Variants in FST observed in about 807,000 individuals in gnomAD.
FST encodes activin-binding protein.
Under a neutral mutation model 38.4 loss-of-function variants are expected in FST, and 6 were observed. The observed-to-expected ratio is 0.16, with a 90% CI of 0.09 to 0.31. FST has a LOEUF of 0.31. FST is among the 10% of genes least tolerant of loss of function. The pLI is 1.00. For missense variants in FST, 301 were observed against 432.3 expected (o/e 0.70, Z 2.69); for synonymous variants, 157 against 169.8 (o/e 0.92, Z 0.59).
chr5:53,483,879 C>A lies in FST; in HGVS notation c.496+157C>A, dbSNP rs1006955694. Among the ~76,000 whole-genome samples the A allele has an allele frequency of 6.6e-6, 1 of 152,154 alleles. No homozygotes were observed. On this transcript the variant is annotated intron_variant, in intron 3 of 5. Coordinates refer to ENST00000256759, the MANE Select transcript of FST (RefSeq NM_013409.3). This position sits in a 1 kb window ranked among gnomAD's most constrained non-coding sequence, Gnocchi z 4.1. The stretch of plus-strand genomic sequence containing the variant: ...CCAAATAAAGGAGTCCTTTTCTAAC[C>A]TCTAGAGATTCATTAAGAACACTGA...
chr5:53,483,800 C>A lies in FST; in HGVS notation c.496+78C>A. On this transcript the variant is annotated intron_variant, in intron 3 of 5. Transcript: ENST00000256759. This position sits in a 1 kb window ranked among gnomAD's most constrained non-coding sequence, Gnocchi z 4.1. ...TACCTAAAGTAGACCCTCTAGAAGA[C>A]CCTTGGGGGATGGTGTAGTCCGCAG... The A allele has an allele frequency of 9.5e-7, 1 of 1,056,228 alleles. No homozygotes were observed. The highest frequency in any genetic ancestry group is 1.4e-6 in the Non-Finnish European group (1 of 697,466). 65.4% of individuals were successfully genotyped at this position (1,056,228 alleles called of 1,614,324 possible).
Position 53,484,071 on chromosome 5 carries a change from A to G in FST, c.499A>G (p.Thr167Ala), listed in dbSNP as rs572043093. The change falls in exon 4 of 6, where the codon ACT (threonine) becomes GCT (alanine). Residue 167 changes from threonine to alanine, a missense_variant and splice_region_variant. By Grantham distance (58) the Thr-to-Ala change is moderately conservative. Transcript: ENST00000256759. ...GTGTGTTTCCTTCTTTGTTCCAGAG[A>G]CTTGTCGGGATGTTTTCTGTCCAGG... is the stretch of plus-strand genomic sequence containing the variant. The part of the protein sequence containing the change: ...EVQYQGRCKK[T>A]CRDVFCPGSS... The G allele has an allele frequency of 1.9e-6, 3 of 1,612,534 alleles. No individual in the cohort carries two copies. The highest frequency in any genetic ancestry group is 2.7e-5 in the African/African-American group (2 of 74,854).
Position 53,482,896 on chromosome 5 carries a change from C to T in FST, c.102C>T (p.Leu34=), listed in dbSNP as rs1579763511. 6.2e-7 allele frequency: 1 copy of T among 1,608,098 alleles called. No individual in the cohort carries two copies. Among genetic ancestry groups the T allele is most frequent in the Non-Finnish European group, 8.5e-7 (1 of 1,176,064 alleles). The change falls in exon 2 of 6, where the codon CTC becomes CTT. Residue 34 remains leucine (L), a synonymous_variant. Transcript: ENST00000256759. The part of the protein sequence containing the change: ...DRSAQAGNCW[L]RQAKNGRCQV... The stretch of plus-strand genomic sequence containing the variant: ...TCTTCACAGCTGGGAACTGCTGGCT[C>T]CGTCAAGCGAAGAACGGCCGCTGCC...
intron 4 of FST, 107 bp downstream of exon 4, chr5:53,484,400 G>A (rs1177262481): frequency 9.5e-6 from 11 of 1,157,158 alleles, no homozygotes; most frequent in African/African-American, 1.5e-5. Context: ...AAACACCATA[G>A]GGAGAAATAC....
Position 53,486,795 on chromosome 5 carries a change from G to T in FST, c.*762G>T, listed in dbSNP as rs551015251. ...TGTTACAGATACAAAGAAATGATGT[G>T]GGTGTCAGGAGACTAAAGGATGTTG... is the stretch of plus-strand genomic sequence containing the variant. On this transcript the variant is annotated 3_prime_UTR_variant, in exon 6 of 6. Transcript: ENST00000256759. 6.6e-6 allele frequency: 1 copy of T among 152,184 alleles called. No homozygotes were observed. The highest frequency in any genetic ancestry group is 1.5e-5 in the Non-Finnish European group (1 of 68,028). The allele number at this position is 152,184 out of a possible 1,614,324, so 9.4% of individuals were successfully genotyped here.
chr5:53,486,089 AAAAAG>A lies in FST; in HGVS notation c.*61_*65del, dbSNP rs1747538378. 2.2e-6 allele frequency: 2 copies of A among 895,570 alleles called. No individual in the cohort carries two copies. Among genetic ancestry groups the A allele is most frequent in the Non-Finnish European group, 3.4e-6 (2 of 582,936 alleles). 55.5% of individuals were successfully genotyped at this position (895,570 alleles called of 1,614,324 possible). A position where few individuals can be genotyped will look rare whatever the true frequency, so the allele number is the denominator to read the frequency against. ...CCTTTGTGCAAAAAAAAAAAAAAAA[AAAAAG>A]AAAAAGAAAAAAAGAAAAATATATT... On this transcript the variant is annotated 3_prime_UTR_variant, in exon 6 of 6. Transcript: ENST00000256759.
At chr5:53,484,389 C>T in intron 4 of FST, 96 bp downstream of exon 4, 1 of 1,276,622 alleles carries the variant, frequency 7.8e-7, no homozygotes, top group Non-Finnish European at 1.1e-6. Context: ...AAGGCGTCCC[C>T]AAACACCATA....
chr5:53,481,484 A>AAAAAAAAAAAC (rs1344161772), intron 1 of FST, among the ~76,000 whole-genome samples: 1 of 144,550 alleles, frequency 6.9e-6, no homozygotes, highest in African/African-American at 2.5e-5. Context: ...AAAAAAAAAA[A>AAAAAAAAAAAC]AAGCCAAATT....
Position 53,483,217 on chromosome 5 carries a change from ACT to A in FST, c.277+149_277+150del, listed in dbSNP as rs1747348922. 6.2e-6 allele frequency: 4 copies of A among 648,442 alleles called. No individual in the cohort carries two copies. Among genetic ancestry groups the A allele is most frequent in the Non-Finnish European group, 8.2e-6 (3 of 367,226 alleles). 40.2% of individuals were successfully genotyped at this position (648,442 alleles called of 1,614,324 possible). ...TCCCTTGCCCTGGTAAGCCGTGCAGACTCTAATTCTGCCTGTTACAGGCTGTA... is the reference window on the plus strand; with the variant it reads ...TCCCTTGCCCTGGTAAGCCGTGCAGACTAATTCTGCCTGTTACAGGCTGTA... On this transcript the variant is annotated intron_variant, in intron 2 of 5. Transcript: ENST00000256759. This position sits in a 1 kb window ranked among gnomAD's most constrained non-coding sequence, Gnocchi z 4.1.
At chr5:53,481,486 A>AAAAAG (rs1747210196) in intron 1 of FST, among the ~76,000 whole-genome samples, 1 of 144,828 alleles carries the variant, frequency 6.9e-6, no homozygotes, top group African/African-American at 2.5e-5. Flanking sequence ...AAAAAAAAAA[A>AAAAAG]GCCAAATTAT....
chr5:53,481,480 A>AAAAAAAAAG (rs1182795888), intron 1 of FST, among the ~76,000 whole-genome samples: 1 of 150,220 alleles, frequency 6.7e-6, no homozygotes, highest in Non-Finnish European at 1.5e-5. Flanking sequence ...AAAAAAAAAA[A>AAAAAAAAAG]AAAAAAGCCA....
Position 53,483,049 on chromosome 5 carries a change from C to T in FST, c.255C>T (p.Ala85=), listed in dbSNP as rs778932984. 2.5e-6 allele frequency: 4 copies of T among 1,613,122 alleles called. No homozygotes were observed. The African/African-American group carries it at 5.3e-5, about 22-fold the overall frequency. ...AGTGGATGATTTTCAACGGGGGCGC[C>T]CCCAACTGCATCCCCTGTAAAGGTA... ...LFKWMIFNGG[A]PNCIPCKETC... is the part of the protein sequence containing the mutation. The change falls in exon 2 of 6, where the codon GCC becomes GCT. Residue 85 remains alanine, a synonymous_variant. Coordinates refer to ENST00000256759, the MANE Select transcript of FST (RefSeq NM_013409.3). The surrounding 1 kb of genome is among the most constrained non-coding windows in gnomAD (Gnocchi z 4.1).
chr5:53,485,020 C>T lies in FST; in HGVS notation c.745C>T (p.Gln249Ter). ...AGAAGCAAAGTCCTGTGAAGATATC[C>T]AGTGCACTGGTGGGAAAAAATGTTT... ...CIKAKSCEDIQCTGGKKCLWD... is the reference protein window; with the variant it reads ...CIKAKSCEDI The change falls in exon 5 of 6, where the codon CAG becomes TAG. Residue 249 changes from glutamine (Q) to a stop codon, truncating the protein, a stop_gained. Coordinates refer to ENST00000256759, the MANE Select transcript of FST (RefSeq NM_013409.3). LOFTEE classifies it high-confidence loss of function. The T allele has an allele frequency of 6.3e-7, 1 of 1,598,814 alleles. No individual in the cohort carries two copies. Among genetic ancestry groups the T allele is most frequent in the Non-Finnish European group, 8.6e-7 (1 of 1,166,088 alleles).
intron 1 of FST, among the ~76,000 whole-genome samples, chr5:53,481,302 A>G (rs7709554): frequency 6.6e-6 from 1 of 150,756 alleles, no homozygotes; most frequent in African/African-American, 2.4e-5. Context: ...AGAAAAGAAA[A>G]CCTGGGGGTT....
At chr5:53,482,294 C>G (rs1747276177) in intron 1 of FST, among the ~76,000 whole-genome samples, 1 of 147,348 alleles carries the variant, frequency 6.8e-6, no homozygotes, top group South Asian at 2.2e-4. Flanking sequence ...TCTTTCTTTT[C>G]TTTCTTTCTC....
Position 53,483,137 on chromosome 5 carries a change from T to G in FST, c.277+66T>G. On this transcript the variant is annotated intron_variant, in intron 2 of 5. Transcript: ENST00000256759. This position sits in a 1 kb window ranked among gnomAD's most constrained non-coding sequence, Gnocchi z 4.1. ...GGCGTCTTACCCTTAGCTTCCCCAC[T>G]ACCTGACTGGGGTTTGGGAGTAGGA... is the stretch of plus-strand genomic sequence containing the variant. The G allele has an allele frequency of 9.5e-7, 1 of 1,058,194 alleles. No homozygotes were observed. Among genetic ancestry groups the G allele is most frequent in the Non-Finnish European group, 1.4e-6 (1 of 694,956 alleles). 65.6% of individuals were successfully genotyped at this position (1,058,194 alleles called of 1,614,324 possible).
chr5:53,481,462 C>CAAAAAAAAAAAAAAAAAA (rs70983342), intron 1 of FST, among the ~76,000 whole-genome samples: 3 of 48,068 alleles, frequency 6.2e-5, no homozygotes, highest in East Asian at 8.1e-4. Flanking sequence ...CCCATTCTCG[C>CAAAAAAAAAAAAAAAAAA]AAAAAAAAAA....
chr5:53,484,380 A>G lies in FST; in HGVS notation c.721+87A>G, dbSNP rs1420931473. 5.8e-6 allele frequency: 8 copies of G among 1,381,136 alleles called. No individual in the cohort carries two copies. The Middle Eastern group carries it at 8.0e-4, about 138-fold the overall frequency. The allele number at this position is 1,381,136 out of a possible 1,614,324, so 85.6% of individuals were successfully genotyped here. ...GGGGTTAACTAATAAGTAAAGCCCA[A>G]GGCGTCCCCAAACACCATAGGGAGA... On this transcript the variant is annotated intron_variant, in intron 4 of 5. Transcript: ENST00000256759.
chr5:53,480,750 T>C lies in FST; in HGVS notation c.-42T>C. Reference sequence around the variant, plus strand: ...CCGAGCCACCCGCCGCCGCGCCGGCTCCCCGCGCCGCTGCGCTCCTCGCCC... The same window carrying C: ...CCGAGCCACCCGCCGCCGCGCCGGCCCCCCGCGCCGCTGCGCTCCTCGCCC... On this transcript the variant is annotated 5_prime_UTR_variant, in exon 1 of 6. Transcript: ENST00000256759. 1 of 906,092 alleles carries C rather than the reference T, an allele frequency of 1.1e-6. No homozygotes were observed. The allele number at this position is 906,092 out of a possible 1,614,324, so 56.1% of individuals were successfully genotyped here. A position where few individuals can be genotyped will look rare whatever the true frequency, so the allele number is the denominator to read the frequency against.
Sources: gnomAD v4.1 joint callset for allele counts (sites outside exome capture counted in the v4.1 genomes callset) on GRCh38, gnomAD v4.1.1 for gene constraint, Gnocchi (gnomAD v3.1) non-coding constraint, MANE v1.5 for transcripts, NCBI Gene and HGNC (gene_info 2026-07-23, HGNC 2026-07-21) for gene names.